Variants in STXBP5 observed in about 807,000 individuals in gnomAD.
The protein encoded by STXBP5 is syntaxin-binding protein 5.
A neutral mutation model predicts 152.4 loss-of-function variants in STXBP5; 50 were observed. The observed-to-expected ratio is 0.33, with a 90% CI of 0.26 to 0.42. The LOEUF is 0.42. Among genes scored for constraint, STXBP5 ranks in the 10% least tolerant of loss-of-function variants. The pLI is 1.00. For missense variants in STXBP5, 1,167 were observed against 1,388.6 expected (o/e 0.84, Z 2.54); for synonymous variants, 492 against 494.7 (o/e 0.99, Z 0.07).
At chr6:147,346,800 C>CCTA (rs142013078) in intron 21 of STXBP5, among the ~76,000 whole-genome samples, 2,740 of 152,064 alleles carry the variant, frequency 0.018, 70 homozygotes, top group African/African-American at 0.062. Flanking sequence ...GGGACTTAGC[C>CCTA]ACCCACTAAA....
At chr6:147,339,775 T>A (rs1784008477) in intron 21 of STXBP5, among the ~76,000 whole-genome samples, 1 of 151,942 alleles carries the variant, frequency 6.6e-6, no homozygotes, top group African/African-American at 2.4e-5. Context: ...GGCCCCGTAT[T>A]TCAAGGAAAT....
intron 23 of STXBP5, among the ~76,000 whole-genome samples, chr6:147,362,069 G>T (rs115867815): frequency 6.6e-6 from 1 of 151,958 alleles, no homozygotes; most frequent in Non-Finnish European, 1.5e-5. Context: ...TAAGTGTGTC[G>T]CATTGGACAG....
intron 18 of STXBP5, chr6:147,328,764 C>T (rs1783404403): frequency 2.1e-6 from 1 of 470,900 alleles, no homozygotes; most frequent in Non-Finnish European, 4.4e-6. Flanking sequence ...TATGAAAAAA[C>T]TACGTTCTTC....
At chr6:147,256,662 G>A (rs1291538647) in intron 4 of STXBP5, among the ~76,000 whole-genome samples, 1 of 152,176 alleles carries the variant, frequency 6.6e-6, no homozygotes, top group Admixed American at 6.5e-5. Context: ...TGGATTTGAC[G>A]ATCAATGATA....
At chr6:147,280,549 ATAT>A (rs1780653313) in intron 8 of STXBP5, among the ~76,000 whole-genome samples, 1 of 152,332 alleles carries the variant, frequency 6.6e-6, no homozygotes, top group Admixed American at 6.5e-5. Context: ...CTCTATGAAC[ATAT>A]TATACTTCAT....
intron 22 of STXBP5, among the ~76,000 whole-genome samples, chr6:147,357,140 T>A (rs1784851172): frequency 6.6e-6 from 1 of 152,084 alleles, no homozygotes; most frequent in African/African-American, 2.4e-5. Flanking sequence ...AAATGTACTC[T>A]AAGTGTCATG....
chr6:147,241,772 G>C (rs1470109288), intron 4 of STXBP5, among the ~76,000 whole-genome samples: 1 of 151,870 alleles, frequency 6.6e-6, no homozygotes, highest in Admixed American at 6.6e-5. Flanking sequence ...TAACATCATA[G>C]CATCTTAGTG....
At chr6:147,270,167 G>C (rs1780087212) in intron 7 of STXBP5, among the ~76,000 whole-genome samples, 1 of 152,066 alleles carries the variant, frequency 6.6e-6, no homozygotes, top group African/African-American at 2.4e-5. Flanking sequence ...GGGAGGCCAA[G>C]GCGGGCAGAT....
At chr6:147,213,235 G>A (rs1459228671) in intron 2 of STXBP5, among the ~76,000 whole-genome samples, 1 of 151,700 alleles carries the variant, frequency 6.6e-6, no homozygotes, top group African/African-American at 2.4e-5. Flanking sequence ...TTATGCACTG[G>A]AAGAGGCAAT....
In STXBP5 at chr6:147,389,002, T is replaced by C. The variant is rs1173333763; in HGVS notation, c.*4247T>C. On this transcript the variant is annotated 3_prime_UTR_variant, in exon 28 of 28. Coordinates refer to ENST00000321680, the MANE Select transcript of STXBP5 (RefSeq NM_001127715.4). ...TTAGACTTTTTAATCTGTATTTACT[T>C]TGGGGGGAAAAAAGCACTCCTATAT... 6.6e-6 allele frequency: 1 copy of C among 151,610 alleles called. No individual in the cohort carries two copies. Among genetic ancestry groups the C allele is most frequent in the East Asian group, 1.9e-4 (1 of 5,180 alleles). 9.4% of individuals were successfully genotyped at this position (151,610 alleles called of 1,614,324 possible). A position where few individuals can be genotyped will look rare whatever the true frequency, so the allele number is the denominator to read the frequency against.
rs1166264367 is a variant in STXBP5, at chr6:147,260,868, A to G, written c.566+119A>G. On this transcript the variant is annotated intron_variant, in intron 5 of 27. Coordinates refer to ENST00000321680, the MANE Select transcript of STXBP5 (RefSeq NM_001127715.4). ...TAAATATGTGACAGATGTTCTTAATATTAAGTACAGATTTATTAGTTTTTT... is the reference window on the plus strand; with the variant it reads ...TAAATATGTGACAGATGTTCTTAATGTTAAGTACAGATTTATTAGTTTTTT... The G allele has an allele frequency of 1.3e-5, 16 of 1,262,684 alleles. No homozygotes were observed. The Admixed American group carries it at 3.7e-4, about 29-fold the overall frequency. 78.2% of individuals were successfully genotyped at this position (1,262,684 alleles called of 1,614,324 possible).
chr6:147,312,360 G>C (rs1782426271), intron 11 of STXBP5, among the ~76,000 whole-genome samples: 1 of 152,144 alleles, frequency 6.6e-6, no homozygotes, highest in Non-Finnish European at 1.5e-5. Context: ...GAAGCACATT[G>C]TATTATTTAT....
Position 147,354,464 on chromosome 6 carries a change from C to CA in STXBP5, c.2305+1103dup, listed in dbSNP as rs1179541338. Among the ~76,000 whole-genome samples the CA allele has an allele frequency of 7.2e-3, 995 of 137,250 alleles. 5 individuals carry two copies. The highest frequency in any genetic ancestry group is 0.019 in the African/African-American group (720 of 37,556). 90.0% of individuals were successfully genotyped at this position (137,250 alleles called of 152,430 possible). Reference sequence around the variant, plus strand: ...TTGAGAAGGTCATAGTTTTCTCCACCAAAAAAAAAAAACAGGTATAATTTG... The same window carrying CA: ...TTGAGAAGGTCATAGTTTTCTCCACCAAAAAAAAAAAAACAGGTATAATTTG... On this transcript the variant is annotated intron_variant, in intron 22 of 27. Transcript: ENST00000321680.
chr6:147,293,137 A>G (rs1466023534), intron 9 of STXBP5: 1 of 152,188 alleles, frequency 6.6e-6, no homozygotes, highest in African/African-American at 2.4e-5. Context: ...AATAGGCTAT[A>G]CAATATAGCC....
chr6:147,278,436 A>G (rs77337125), intron 8 of STXBP5, among the ~76,000 whole-genome samples: 5,382 of 152,294 alleles, frequency 0.035, 146 homozygotes, highest in Admixed American at 0.054. Context: ...ATTTTAGAAA[A>G]TGTTATATTA....
At chr6:147,367,164 G>T (rs1416467004) in intron 25 of STXBP5, among the ~76,000 whole-genome samples, 2 of 152,142 alleles carry the variant, frequency 1.3e-5, no homozygotes, top group Admixed American at 1.3e-4. Flanking sequence ...TGTTTGAGGT[G>T]AAAAATATGC....
At chr6:147,346,834 AG>A (rs1784360719) in intron 21 of STXBP5, among the ~76,000 whole-genome samples, 1 of 152,158 alleles carries the variant, frequency 6.6e-6, no homozygotes, top group African/African-American at 2.4e-5. Flanking sequence ...ATTGGTCAAA[AG>A]ATACAAACTT....
chr6:147,324,032 G>A (rs1158873160), intron 16 of STXBP5, among the ~76,000 whole-genome samples: 1 of 152,046 alleles, frequency 6.6e-6, no homozygotes, highest in African/African-American at 2.4e-5. Flanking sequence ...TTCTGTCTGT[G>A]TTCTGCAAGA....
chr6:147,332,964 T>G (rs1047351474), intron 18 of STXBP5, among the ~76,000 whole-genome samples: 5 of 152,114 alleles, frequency 3.3e-5, no homozygotes, highest in African/African-American at 1.2e-4. Context: ...AGTATAATCT[T>G]TAGTAGCAGT....
Sources: allele counts gnomAD v4.1 joint callset (sites outside exome capture counted in the v4.1 genomes callset), GRCh38; gene constraint gnomAD v4.1.1; transcripts MANE v1.5; gene names NCBI Gene and HGNC (gene_info 2026-07-23, HGNC 2026-07-21).